The following RNF185 variants were observed in gnomAD, a reference collection of about 807,000 sequenced individuals.
The protein encoded by RNF185 is E3 ubiquitin-protein ligase RNF185.
In RNF185, 13 loss-of-function variants were observed where a neutral mutation model predicts 24.9. The ratio of observed to expected loss-of-function variants is 0.52; its 90% CI spans 0.34 to 0.83. The LOEUF (loss-of-function observed/expected upper bound fraction) is 0.83. Among genes scored for constraint, RNF185 ranks in the 40% least tolerant of loss-of-function variants. The pLI, the probability that RNF185 is intolerant of heterozygous loss-of-function variation, is 0.01. For synonymous variants in RNF185, 79 were observed against 90.3 expected, an observed-to-expected ratio of 0.88 and a Z score of 0.71; for missense variants, 184 against 244.7, an observed-to-expected ratio of 0.75 and a Z score of 1.65.
At chr22:31,202,904 G>A (rs556016340) in intron 6 of RNF185, among the ~76,000 whole-genome samples, 40 of 152,250 alleles carry the variant, frequency 2.6e-4, no homozygotes, top group East Asian at 9.7e-4. Flanking sequence ...GTGAGCCACC[G>A]CGCCCGGCCC....
intron 6 of RNF185, among the ~76,000 whole-genome samples, chr22:31,202,071 CTCTGGCA>C (rs1416838057): frequency 1.3e-5 from 2 of 152,122 alleles, no homozygotes; most frequent in African/African-American, 2.4e-5. Context: ...CATCTCCATT[CTCTGGCA>C]TCTCTGTCTA....
intron 1 of RNF185, among the ~76,000 whole-genome samples, chr22:31,167,432 A>G (rs1051600072): frequency 6.6e-6 from 1 of 151,950 alleles, no homozygotes; most frequent in Non-Finnish European, 1.5e-5. Context: ...CAGCATACCA[A>G]ACAGAAACTC....
intron 2 of RNF185, among the ~76,000 whole-genome samples, chr22:31,192,078 C>G (rs1028711650): frequency 6.6e-6 from 1 of 152,066 alleles, no homozygotes; most frequent in Non-Finnish European, 1.5e-5. Context: ...CATCCCCATC[C>G]TTTCTATTAC....
chr22:31,162,766 C>CTTTTTT (rs71319163), intron 1 of RNF185, among the ~76,000 whole-genome samples: 1 of 134,450 alleles, frequency 7.4e-6, no homozygotes. Context: ...ATTTTTCTTT[C>CTTTTTT]TTTTTTTTTT....
At chr22:31,174,787 A>G (rs1456849068) in intron 1 of RNF185, among the ~76,000 whole-genome samples, 1 of 151,578 alleles carries the variant, frequency 6.6e-6, no homozygotes. Flanking sequence ...ATAATGGAAG[A>G]GGCTGGGTGT....
chr22:31,197,398 A>G (rs2048216310), intron 5 of RNF185, among the ~76,000 whole-genome samples: 1 of 152,014 alleles, frequency 6.6e-6, no homozygotes, highest in Admixed American at 6.5e-5. Flanking sequence ...TATTATCTTG[A>G]GATTTTACAT....
intron 5 of RNF185, among the ~76,000 whole-genome samples, chr22:31,199,375 G>A (rs1220787753): frequency 2.6e-5 from 4 of 152,084 alleles, no homozygotes; most frequent in Non-Finnish European, 5.9e-5. Flanking sequence ...TTGACCACCA[G>A]GTGACACCAC....
intron 1 of RNF185, among the ~76,000 whole-genome samples, chr22:31,165,239 G>A (rs1426595948): frequency 6.6e-6 from 1 of 151,916 alleles, no homozygotes; most frequent in African/African-American, 2.4e-5. Flanking sequence ...AATTTATGAG[G>A]GTTCCAGTTT....
chr22:31,191,900 T>C (rs2048160059), intron 2 of RNF185, among the ~76,000 whole-genome samples: 1 of 151,596 alleles, frequency 6.6e-6, no homozygotes, highest in Admixed American at 6.6e-5. Flanking sequence ...TTTTTTTGTA[T>C]GTGGTGTTAG....
intron 5 of RNF185, chr22:31,197,256 G>A (rs762879153): frequency 2.0e-5 from 7 of 341,468 alleles, no homozygotes; most frequent in Admixed American, 9.4e-5. Context: ...TTTTACAGAT[G>A]TGTGTATACT....
intron 1 of RNF185, among the ~76,000 whole-genome samples, chr22:31,172,127 TA>T (rs2047936541): frequency 6.6e-6 from 1 of 152,184 alleles, no homozygotes. Flanking sequence ...CAACCTCAGG[TA>T]AAATATGAAT....
chr22:31,173,803 G>C (rs181160434), intron 1 of RNF185, among the ~76,000 whole-genome samples: 32 of 152,182 alleles, frequency 2.1e-4, no homozygotes, highest in African/African-American at 7.2e-5. Context: ...TTAACACTTG[G>C]GGAAAATCTG....
intron 1 of RNF185, among the ~76,000 whole-genome samples, chr22:31,176,552 G>A (rs1020500911): frequency 2.7e-5 from 4 of 149,358 alleles, no homozygotes; most frequent in African/African-American, 7.4e-5. Flanking sequence ...GTAGTGGTGC[G>A]ATCTCAGCTC....
chr22:31,170,436 G>A (rs973172618), intron 1 of RNF185, among the ~76,000 whole-genome samples: 3 of 152,168 alleles, frequency 2.0e-5, no homozygotes, highest in East Asian at 3.9e-4. Context: ...TGATCCACCC[G>A]CCTTGGCCTC....
At chr22:31,190,158 T>C (rs1273973041) in intron 2 of RNF185, among the ~76,000 whole-genome samples, 3 of 152,228 alleles carry the variant, frequency 2.0e-5, no homozygotes, top group African/African-American at 4.8e-5. Context: ...TGGTCAACAA[T>C]GGATTACATA....
rs768811994 is a variant in RNF185 at position 31,204,633 on chromosome 22, G to A, written c.*47G>A. The A allele has an allele frequency of 5.2e-6, 7 of 1,348,308 alleles. No individual in the cohort carries two copies. Among genetic ancestry groups the A allele is most frequent in the East Asian group, 4.6e-5 (2 of 43,676 alleles). The allele number at this position is 1,348,308 out of a possible 1,614,324, so 83.5% of individuals were successfully genotyped here. On this transcript the variant is annotated 3_prime_UTR_variant, in exon 7 of 7. Coordinates refer to ENST00000326132, the MANE Select transcript of RNF185 (RefSeq NM_152267.4). ...CGTGGCAGGGCTCTGGACTGGTGAC[G>A]TGCCACCCCAACTCCTGGTGTTTGG...
chr22:31,184,312 C>G (rs1289804013), intron 1 of RNF185, among the ~76,000 whole-genome samples: 1 of 151,834 alleles, frequency 6.6e-6, no homozygotes, highest in Non-Finnish European at 1.5e-5. Flanking sequence ...CCTCACATCT[C>G]AGACGGGGTG....
chr22:31,161,738 G>C (rs1386337356), intron 1 of RNF185, among the ~76,000 whole-genome samples: 2 of 152,148 alleles, frequency 1.3e-5, no homozygotes, highest in Non-Finnish European at 2.9e-5. Flanking sequence ...CATAATCCCT[G>C]CTTGAATCCT....
chr22:31,196,349 C>G (rs933523258), intron 4 of RNF185, among the ~76,000 whole-genome samples: 1 of 152,178 alleles, frequency 6.6e-6, no homozygotes, highest in Non-Finnish European at 1.5e-5. Context: ...CCCTTGAAAC[C>G]ATGAACACTT....
Sources: allele counts gnomAD v4.1 joint callset (sites outside exome capture counted in the v4.1 genomes callset), GRCh38; gene constraint gnomAD v4.1.1; transcripts MANE v1.5; gene names NCBI Gene and HGNC (gene_info 2026-07-23, HGNC 2026-07-21).